The following LRP1B variants were observed in gnomAD, a reference collection of about 807,000 sequenced individuals.
The protein encoded by LRP1B is low-density lipoprotein receptor-related protein 1B.
A neutral mutation model predicts 556.6 loss-of-function variants in LRP1B; 217 were observed. The observed-to-expected ratio is 0.39, with a 90% CI of 0.35 to 0.44. The LOEUF is 0.44. Among genes scored for constraint, LRP1B ranks in the 20% least tolerant of loss-of-function variants. The pLI, the probability that LRP1B is intolerant of heterozygous loss-of-function variation, is 1.00. For missense variants in LRP1B, 5,053 were observed against 5,620.8 expected (o/e 0.90, Z 3.23); for synonymous variants, 2,047 against 1,865.8 (o/e 1.10, Z -2.50).
chr2:140,568,657 CA>C (rs1455381328), intron 43 of LRP1B, among the ~76,000 whole-genome samples: 2 of 151,964 alleles, frequency 1.3e-5, no homozygotes, highest in Non-Finnish European at 2.9e-5. Context: ...ATATTCAACT[CA>C]AAAAAGTTCC....
intron 29 of LRP1B, among the ~76,000 whole-genome samples, chr2:140,848,841 A>C (rs981147145): frequency 2.6e-5 from 4 of 152,170 alleles, no homozygotes; most frequent in Non-Finnish European, 5.9e-5. Context: ...CAATGCTAAA[A>C]ATTTAGAACT....
intron 69 of LRP1B, among the ~76,000 whole-genome samples, chr2:140,372,671 A>T (rs1558836663): frequency 6.6e-6 from 1 of 152,120 alleles, no homozygotes; most frequent in Admixed American, 6.6e-5. Context: ...TTCCATAACT[A>T]AAACCTATCT....
chr2:141,590,175 T>C (rs1399856294), intron 2 of LRP1B, among the ~76,000 whole-genome samples: 2 of 152,124 alleles, frequency 1.3e-5, no homozygotes, highest in African/African-American at 4.8e-5. Context: ...AACAAACAAT[T>C]ATTGGTGATG....
intron 86 of LRP1B, among the ~76,000 whole-genome samples, chr2:140,260,714 C>T (rs572548419): frequency 1.1e-4 from 17 of 151,744 alleles, no homozygotes; most frequent in African/African-American, 3.6e-4. Flanking sequence ...AAGGTCTTTA[C>T]GCAAATACCA....
intron 66 of LRP1B, among the ~76,000 whole-genome samples, chr2:140,426,871 C>A (rs534646704): frequency 6.6e-6 from 1 of 152,172 alleles, no homozygotes; most frequent in African/African-American, 2.4e-5. Context: ...CTGCTCTTTG[C>A]TCTGTGAGAA....
chr2:142,104,429 G>C (rs1395686841), intron 1 of LRP1B, among the ~76,000 whole-genome samples: 1 of 152,076 alleles, frequency 6.6e-6, no homozygotes, highest in Non-Finnish European at 1.5e-5. Flanking sequence ...GTGCTGTTTG[G>C]CATGAAGGAA....
chr2:140,905,536 C>T (rs1694225917), intron 22 of LRP1B, among the ~76,000 whole-genome samples: 1 of 152,094 alleles, frequency 6.6e-6, no homozygotes, highest in African/African-American at 2.4e-5. Context: ...GGGAACTCTG[C>T]CTCTCATTCT....
intron 20 of LRP1B, among the ~76,000 whole-genome samples, chr2:140,937,242 C>T (rs539834864): frequency 7.6e-4 from 116 of 152,016 alleles, no homozygotes; most frequent in African/African-American, 2.6e-3. Context: ...TGACAGAAGC[C>T]CCTCCTGATC....
intron 10 of LRP1B, among the ~76,000 whole-genome samples, chr2:141,052,120 A>G (rs192125457): frequency 1.1e-4 from 16 of 152,060 alleles, no homozygotes; most frequent in Non-Finnish European, 1.3e-4. Context: ...AATTTTTTCA[A>G]TTTAGCATTT....
Position 141,531,882 on chromosome 2 carries a change from T to C in LRP1B, c.206-51349A>G, listed in dbSNP as rs77909531. 2.4e-3 allele frequency among the ~76,000 whole-genome samples: 364 copies of C among 152,272 alleles called. 4 individuals are homozygous for C. Among genetic ancestry groups the C allele is most frequent in the African/African-American group, 8.5e-3 (353 of 41,568 alleles). On this transcript the variant is annotated intron_variant, in intron 2 of 90. Coordinates refer to ENST00000389484, the MANE Select transcript of LRP1B (RefSeq NM_018557.3). ...GGGTGGAGGCATTATAGATCTTACA[T>C]TGACATTCCACTATACTTCATTATA...
chr2:142,089,603 T>C (rs1256947842), intron 1 of LRP1B, among the ~76,000 whole-genome samples: 1 of 152,188 alleles, frequency 6.6e-6, no homozygotes, highest in Non-Finnish European at 1.5e-5. Context: ...ATCCCATTCA[T>C]GGACAAGTGT....
intron 2 of LRP1B, among the ~76,000 whole-genome samples, chr2:141,600,846 T>C (rs1422956272): frequency 6.6e-6 from 1 of 152,118 alleles, no homozygotes; most frequent in Non-Finnish European, 1.5e-5. Flanking sequence ...GTCCCTCTTG[T>C]GTTCAGTGCT....
chr2:140,308,332 A>G (rs1185965645), intron 83 of LRP1B, among the ~76,000 whole-genome samples: 5 of 148,840 alleles, frequency 3.4e-5, no homozygotes, highest in African/African-American at 9.9e-5. Flanking sequence ...TTATGTTATG[A>G]TTTATTTTCC....
intron 2 of LRP1B, among the ~76,000 whole-genome samples, chr2:141,691,254 A>G (rs537271914): frequency 6.6e-6 from 1 of 151,988 alleles, no homozygotes; most frequent in Admixed American, 6.6e-5. Context: ...TGACTCCTCT[A>G]TTTTGACAAA....
intron 66 of LRP1B, among the ~76,000 whole-genome samples, chr2:140,395,637 T>C (rs1050661113): frequency 3.3e-5 from 5 of 152,194 alleles, no homozygotes; most frequent in African/African-American, 1.2e-4. Context: ...TTTATGTTAT[T>C]CTTCCAGATA....
rs191230994 is a variant in LRP1B, at chr2:141,877,373, C to G, written c.83-66972G>C. Reference sequence around the variant, plus strand: ...TTTCATTTCCCAACCATGACTGCATCTATAATAGGACCATTTGATGAGTTT... The same window carrying G: ...TTTCATTTCCCAACCATGACTGCATGTATAATAGGACCATTTGATGAGTTT... On this transcript the variant is annotated intron_variant, in intron 1 of 90. Coordinates refer to ENST00000389484, the MANE Select transcript of LRP1B (RefSeq NM_018557.3). Among the ~76,000 whole-genome samples, 3 of 152,016 alleles carry G rather than the reference C, an allele frequency of 2.0e-5. No homozygotes were observed. In the East Asian group the frequency reaches 5.8e-4, roughly 30 times the overall value.
At chr2:141,051,486 T>C (rs886108282) in intron 10 of LRP1B, among the ~76,000 whole-genome samples, 5 of 152,166 alleles carry the variant, frequency 3.3e-5, no homozygotes, top group African/African-American at 9.6e-5. Context: ...GGGATACAGA[T>C]GAAGCTAGAA....
intron 2 of LRP1B, among the ~76,000 whole-genome samples, chr2:141,723,626 C>T (rs893504340): frequency 6.6e-6 from 1 of 151,638 alleles, no homozygotes. Flanking sequence ...TAAGGGTGAC[C>T]TTGCCTTTGT....
chr2:140,697,936 T>C (rs1686493409), intron 41 of LRP1B, among the ~76,000 whole-genome samples: 1 of 152,126 alleles, frequency 6.6e-6, no homozygotes, highest in Admixed American at 6.6e-5. Context: ...AATGTTATTT[T>C]ATATATGTGG....
Sources: gnomAD v4.1 joint callset for allele counts (sites outside exome capture counted in the v4.1 genomes callset) on GRCh38, gnomAD v4.1.1 for gene constraint, MANE v1.5 for transcripts, NCBI Gene and HGNC (gene_info 2026-07-23, HGNC 2026-07-21) for gene names.